CBX5: variants seen among roughly 807,000 people sequenced by gnomAD.
CBX5 encodes the protein chromobox protein homolog 5.
A neutral mutation model predicts 20.7 loss-of-function variants in CBX5; 7 were observed. That is an observed-to-expected ratio of 0.34 (90% confidence interval 0.19 to 0.63). The LOEUF is 0.63. CBX5 is among the 30% of genes least tolerant of loss of function. CBX5 has a pLI of 0.75. For synonymous variants in CBX5, 78 were observed against 77.0 expected, an observed-to-expected ratio of 1.01 and a Z score of -0.07; for missense variants, 110 against 224.1, an observed-to-expected ratio of 0.49 and a Z score of 3.25.
intron 4 of CBX5, among the ~76,000 whole-genome samples, chr12:54,243,269 T>C (rs1041694715): frequency 1.3e-5 from 2 of 152,044 alleles, no homozygotes; most frequent in African/African-American, 2.4e-5. Flanking sequence ...TAACCACATA[T>C]GGCTGAGTAG....
In CBX5 at chr12:54,257,741, A is replaced by C. The variant is rs1943876160; in HGVS notation, c.-42-49T>G. On this transcript the variant is annotated intron_variant, in intron 1 of 4. Coordinates refer to ENST00000209875, the MANE Select transcript of CBX5 (RefSeq NM_012117.3). Reference sequence around the variant, plus strand: ...GTTAGAATCCATGTGAGGAGTTAAAAACTTTGTCTTTTCTTGATGGGATGA... The same window carrying C: ...GTTAGAATCCATGTGAGGAGTTAAACACTTTGTCTTTTCTTGATGGGATGA... 3 of 1,459,160 alleles carry C rather than the reference A, an allele frequency of 2.1e-6. No individual in the cohort carries two copies. The Admixed American group carries it at 5.8e-5, about 28-fold the overall frequency. 90.4% of individuals were successfully genotyped at this position (1,459,160 alleles called of 1,614,324 possible). A position where few individuals can be genotyped will look rare whatever the true frequency, so the allele number is the denominator to read the frequency against.
chr12:54,248,015 AT>A (rs1171663830), intron 3 of CBX5, among the ~76,000 whole-genome samples: 1 of 150,832 alleles, frequency 6.6e-6, no homozygotes, highest in African/African-American at 2.4e-5. Flanking sequence ...TAATTTTTCC[AT>A]TTTTAGTAGA....
chr12:54,239,633 G>A lies in CBX5; in HGVS notation c.*2122C>T, dbSNP rs1194928200. ...TGTCAATTATCCAGCACTTGATCTA[G>A]GCCTTTAATTCCTTCAGAGAGAGAA... is the stretch of plus-strand genomic sequence containing the variant. On this transcript the variant is annotated 3_prime_UTR_variant, in exon 5 of 5. Coordinates refer to ENST00000209875, the MANE Select transcript of CBX5 (RefSeq NM_012117.3). 2 of 152,136 alleles carry A rather than the reference G, an allele frequency of 1.3e-5. No individual in the cohort carries two copies. The highest frequency in any genetic ancestry group is 6.6e-5 in the Admixed American group (1 of 15,266). 9.4% of individuals were successfully genotyped at this position (152,136 alleles called of 1,614,324 possible). A position where few individuals can be genotyped will look rare whatever the true frequency, so the allele number is the denominator to read the frequency against.
intron 1 of CBX5, among the ~76,000 whole-genome samples, chr12:54,270,996 T>G (rs1944003833): frequency 6.6e-6 from 1 of 152,240 alleles, no homozygotes; most frequent in South Asian, 2.1e-4. Context: ...AGTTTCAGGC[T>G]GCAGTGAGTT....
intron 4 of CBX5, among the ~76,000 whole-genome samples, chr12:54,244,010 T>C (rs1943706781): frequency 6.6e-6 from 1 of 151,848 alleles, no homozygotes; most frequent in South Asian, 2.1e-4. Context: ...TATACAACTT[T>C]TTTTTTTTTG....
At chr12:54,258,478 G>A (rs1206697209) in intron 1 of CBX5, 1 of 152,156 alleles carries the variant, frequency 6.6e-6, no homozygotes, top group Non-Finnish European at 1.5e-5. Flanking sequence ...AGTTGACTCA[G>A]GGCCAAAGGA....
intron 1 of CBX5, among the ~76,000 whole-genome samples, chr12:54,266,717 G>A (rs1453899836): frequency 6.6e-6 from 1 of 152,168 alleles, no homozygotes; most frequent in African/African-American, 2.4e-5. Context: ...GAAGGTATCA[G>A]TCTGGTAAAC....
intron 3 of CBX5, 52 bp downstream of exon 3, chr12:54,251,988 AT>A: frequency 7.2e-7 from 1 of 1,383,640 alleles, no homozygotes. Context: ...ATTTATTATT[AT>A]TATTTTGGTG....
chr12:54,242,017 G>A (rs1318427810), intron 4 of CBX5, 112 bp from the exon 5 acceptor site: 7 of 1,008,110 alleles, frequency 6.9e-6, no homozygotes, highest in South Asian at 1.5e-5. Context: ...TCCTCACCTT[G>A]GTTTCAAGGT....
chr12:54,274,266 A>T (rs1263143362), intron 1 of CBX5: 4 of 152,130 alleles, frequency 2.6e-5, no homozygotes, highest in Non-Finnish European at 5.9e-5. Flanking sequence ...TGCATCTTGG[A>T]CTCTGGACAA....
At chr12:54,275,700 A>T (rs186034338) in intron 1 of CBX5, among the ~76,000 whole-genome samples, 1 of 152,018 alleles carries the variant, frequency 6.6e-6, no homozygotes, top group South Asian at 2.1e-4. Flanking sequence ...AAAGTTCATC[A>T]TATCTATTAA....
intron 4 of CBX5, among the ~76,000 whole-genome samples, chr12:54,242,666 A>T (rs1943690209): frequency 6.6e-6 from 1 of 152,022 alleles, no homozygotes; most frequent in Non-Finnish European, 1.5e-5. Flanking sequence ...TTAAATACTC[A>T]TTACCCCTCT....
intron 1 of CBX5, among the ~76,000 whole-genome samples, chr12:54,269,467 C>T (rs978693021): frequency 6.6e-6 from 1 of 151,988 alleles, no homozygotes; most frequent in African/African-American, 2.4e-5. Context: ...CAGCTCACTG[C>T]ACCCTCCGCC....
At chr12:54,269,316 G>A (rs1410354263) in intron 1 of CBX5, among the ~76,000 whole-genome samples, 1 of 152,162 alleles carries the variant, frequency 6.6e-6, no homozygotes, top group Non-Finnish European at 1.5e-5. Flanking sequence ...TTTTCTGGAA[G>A]AGTTTGTTGT....
chr12:54,253,173 C>T (rs1014369359), intron 2 of CBX5, among the ~76,000 whole-genome samples: 9 of 152,006 alleles, frequency 5.9e-5, no homozygotes, highest in East Asian at 1.9e-4. Flanking sequence ...CAGTGGCTAA[C>T]GCCTGTAATC....
Position 54,236,376 on chromosome 12 carries a change from T to C in CBX5, c.*5379A>G, listed in dbSNP as rs1458536542. 6.6e-6 allele frequency: 1 copy of C among 152,222 alleles called. No individual in the cohort carries two copies. Among genetic ancestry groups the C allele is most frequent in the Non-Finnish European group, 1.5e-5 (1 of 68,046 alleles). The allele number at this position is 152,222 out of a possible 1,614,324, so 9.4% of individuals were successfully genotyped here. A position where few individuals can be genotyped will look rare whatever the true frequency, so the allele number is the denominator to read the frequency against. Reference sequence around the variant, plus strand: ...ATCTTCAGGCCAAAAAAATGTCTGTTGAATGAAACCAATGTTGATGTACAG... The same window carrying C: ...ATCTTCAGGCCAAAAAAATGTCTGTCGAATGAAACCAATGTTGATGTACAG... On this transcript the variant is annotated 3_prime_UTR_variant, in exon 5 of 5. Coordinates refer to ENST00000209875, the MANE Select transcript of CBX5 (RefSeq NM_012117.3).
At position 54,232,318 on chromosome 12, in the gene CBX5, T is replaced by C. The variant is rs2039480122; in HGVS notation, c.*9437A>G. On this transcript the variant is annotated 3_prime_UTR_variant, in exon 5 of 5. Coordinates refer to ENST00000209875, the MANE Select transcript of CBX5 (RefSeq NM_012117.3). ...GCCGAGTCACTAAGTAGTTCCAGTC[T>C]TGGAGACAGCTCAGTGAGGACCAAA... The C allele has an allele frequency of 6.6e-6, 1 of 152,254 alleles. No homozygotes were observed. The highest frequency in any genetic ancestry group is 6.5e-5 in the Admixed American group (1 of 15,276). 9.4% of individuals were successfully genotyped at this position (152,254 alleles called of 1,614,324 possible).
chr12:54,248,709 G>A (rs79741122), intron 3 of CBX5, among the ~76,000 whole-genome samples: 2 of 152,154 alleles, frequency 1.3e-5, no homozygotes, highest in South Asian at 4.1e-4. Context: ...AAGAGGAGGC[G>A]AATGGAAGAA....
At chr12:54,269,293 G>A (rs543415202) in intron 1 of CBX5, among the ~76,000 whole-genome samples, 17 of 152,228 alleles carry the variant, frequency 1.1e-4, no homozygotes, top group Admixed American at 5.9e-4. Context: ...TGTTTTAAGC[G>A]TTCCTGCTTC....
Sources: allele counts gnomAD v4.1 joint callset (sites outside exome capture counted in the v4.1 genomes callset), GRCh38; gene constraint gnomAD v4.1.1; transcripts MANE v1.5; gene names NCBI Gene and HGNC (gene_info 2026-07-23, HGNC 2026-07-21).